CDC123: variants seen among roughly 807,000 people sequenced by gnomAD.
The protein encoded by CDC123 is cell division cycle 123.
CDC123 carries 37 observed loss-of-function variants against 54.4 expected under a neutral mutation model. The ratio of observed to expected loss-of-function variants is 0.68; its 90% CI spans 0.52 to 0.89. CDC123 has a LOEUF of 0.89. Ranked by LOEUF, CDC123 falls within the 40% of genes least tolerant of loss-of-function variation. CDC123 has a pLI of 0.00. For missense variants in CDC123, 361 were observed against 412.1 expected (o/e 0.88, Z 1.07); for synonymous variants, 144 against 136.8 (o/e 1.05, Z -0.37).
At chr10:12,238,513 T>G in intron 10 of CDC123, 28 bp downstream of exon 10, 1 of 1,605,236 alleles carries the variant, frequency 6.2e-7, no homozygotes, top group Non-Finnish European at 8.5e-7. Context: ...CTGATATGCT[T>G]TAATATAAGA....
At chr10:12,208,818 A>C (rs1044401123) in intron 2 of CDC123, among the ~76,000 whole-genome samples, 2 of 152,158 alleles carry the variant, frequency 1.3e-5, no homozygotes, top group Admixed American at 6.5e-5. Context: ...TTCCCTAATG[A>C]GGACTGCACA....
Position 12,250,419 on chromosome 10 carries a change from CTGAT to C in CDC123, c.*83_*86del. 2 of 1,067,126 alleles carry C rather than the reference CTGAT, an allele frequency of 1.9e-6. No homozygotes were observed. The highest frequency in any genetic ancestry group is 2.9e-6 in the Non-Finnish European group (2 of 681,522). 66.1% of individuals were successfully genotyped at this position (1,067,126 alleles called of 1,614,324 possible). ...CATCAGCCGCAACTTCCTGCCGACC[CTGAT>C]GCGGGTGGGCCGAGCAGTGTGGACA... On this transcript the variant is annotated 3_prime_UTR_variant, in exon 13 of 13. Coordinates refer to ENST00000281141, the MANE Select transcript of CDC123 (RefSeq NM_006023.3).
chr10:12,202,276 G>C (rs1026845376), intron 2 of CDC123, among the ~76,000 whole-genome samples: 5 of 152,150 alleles, frequency 3.3e-5, no homozygotes, highest in Non-Finnish European at 5.9e-5. Flanking sequence ...CCCTTTCTTA[G>C]TTCAGTTTCG....
At chr10:12,200,933 C>CA (rs35686650) in intron 2 of CDC123, among the ~76,000 whole-genome samples, 67,504 of 147,854 alleles carry the variant, frequency 0.46, 16,489 homozygotes, top group Middle Eastern at 0.6. Context: ...AACTTCGTCT[C>CA]AAAAAAAAAA....
intron 10 of CDC123, among the ~76,000 whole-genome samples, chr10:12,238,712 C>T (rs1472357700): frequency 6.6e-6 from 1 of 151,602 alleles, no homozygotes; most frequent in East Asian, 1.9e-4. Flanking sequence ...CTCATCTCTA[C>T]TAAAAATTAA....
At chr10:12,234,916 G>T (rs1835959040) in intron 7 of CDC123, 132 bp from the exon 8 acceptor site, 11 of 632,528 alleles carry the variant, frequency 1.7e-5, no homozygotes, top group Non-Finnish European at 2.5e-5. Context: ...GCCCGGCCAA[G>T]AATGTCATAT....
intron 10 of CDC123, among the ~76,000 whole-genome samples, chr10:12,240,970 AGT>A (rs1189720942): frequency 6.6e-6 from 1 of 152,186 alleles, no homozygotes; most frequent in Non-Finnish European, 1.5e-5. Context: ...CTGGCTCAAA[AGT>A]GAAATGTATT....
chr10:12,235,145 T>G, intron 8 of CDC123, 22 bp downstream of exon 8: 1 of 1,579,550 alleles, frequency 6.3e-7, no homozygotes, highest in South Asian at 1.1e-5. Context: ...TTTGTTTGTT[T>G]GTTTTATCCT....
At chr10:12,236,059 A>G (rs1333437611) in intron 8 of CDC123, among the ~76,000 whole-genome samples, 3 of 152,232 alleles carry the variant, frequency 2.0e-5, no homozygotes, top group Non-Finnish European at 4.4e-5. Flanking sequence ...GCCAAGTAGC[A>G]TGTATGAACA....
intron 6 of CDC123, among the ~76,000 whole-genome samples, chr10:12,223,601 A>C (rs1272288970): frequency 6.6e-6 from 1 of 151,716 alleles, no homozygotes; most frequent in Non-Finnish European, 1.5e-5. Context: ...ATAATTATGA[A>C]GTCCACAAAA....
intron 10 of CDC123, 96 bp downstream of exon 10, chr10:12,238,581 C>A: frequency 6.9e-7 from 1 of 1,453,066 alleles, no homozygotes; most frequent in Non-Finnish European, 9.3e-7. Flanking sequence ...GATCCATGCT[C>A]AAAAAATATT....
At chr10:12,230,145 TAGTA>T (rs1835879590) in intron 6 of CDC123, among the ~76,000 whole-genome samples, 1 of 152,158 alleles carries the variant, frequency 6.6e-6, no homozygotes, top group African/African-American at 2.4e-5. Context: ...TGTGGGTACA[TAGTA>T]AGTGTATATA....
At position 12,214,198 on chromosome 10, in the gene CDC123, A is replaced by C. The variant is rs372250211; in HGVS notation, c.238-1542A>C. On this transcript the variant is annotated intron_variant, in intron 4 of 12. Coordinates refer to ENST00000281141, the MANE Select transcript of CDC123 (RefSeq NM_006023.3). ...CCTTAGATGTCAAGCTTTATGGGAT[A>C]GGAAAATTAAATTGCTTTGTCTTTG... Among the ~76,000 whole-genome samples the C allele has an allele frequency of 2.0e-5, 3 of 152,366 alleles. No homozygotes were observed. The South Asian group carries it at 6.2e-4, about 32-fold the overall frequency.
At chr10:12,205,494 C>T (rs1016173981) in intron 2 of CDC123, among the ~76,000 whole-genome samples, 5 of 152,182 alleles carry the variant, frequency 3.3e-5, no homozygotes, top group African/African-American at 1.2e-4. Context: ...GATCCTCAAC[C>T]AGTAGATGCC....
At chr10:12,202,051 T>TGA (rs914962751) in intron 2 of CDC123, among the ~76,000 whole-genome samples, 28 of 152,334 alleles carry the variant, frequency 1.8e-4, no homozygotes, top group African/African-American at 6.5e-4. Flanking sequence ...CACAATCTGT[T>TGA]GAGAATTTTG....
chr10:12,218,877 A>G (rs1835695942), intron 6 of CDC123, among the ~76,000 whole-genome samples: 1 of 152,172 alleles, frequency 6.6e-6, no homozygotes, highest in Non-Finnish European at 1.5e-5. Context: ...TGCTCTCTTT[A>G]TGCTTCTTTT....
intron 12 of CDC123, 28 bp downstream of exon 12, chr10:12,249,746 G>T: frequency 6.4e-7 from 1 of 1,570,472 alleles, no homozygotes; most frequent in South Asian, 1.2e-5. Flanking sequence ...TTAGTATGCT[G>T]GCCATCTTTT....
chr10:12,233,737 T>A (rs1405367693), intron 7 of CDC123, among the ~76,000 whole-genome samples: 2 of 152,118 alleles, frequency 1.3e-5, no homozygotes, highest in East Asian at 3.8e-4. Flanking sequence ...GACTAAGAGC[T>A]TATAATAAAT....
Position 12,224,150 on chromosome 10 carries a change from A to G in CDC123, c.440+6683A>G, listed in dbSNP as rs544619465. On this transcript the variant is annotated intron_variant, in intron 6 of 12. Transcript: ENST00000281141. Reference sequence around the variant, plus strand: ...GTTCCTGCGTTACTTCACTTGGAATAATAGTCTCCAGTTCCATCCAGGTTG... The same window carrying G: ...GTTCCTGCGTTACTTCACTTGGAATGATAGTCTCCAGTTCCATCCAGGTTG... 2.6e-4 allele frequency among the ~76,000 whole-genome samples: 40 copies of G among 152,168 alleles called. No individual in the cohort carries two copies. The South Asian group carries it at 8.1e-3, about 31-fold the overall frequency.
Sources: gnomAD v4.1 joint callset for allele counts (sites outside exome capture counted in the v4.1 genomes callset) on GRCh38, gnomAD v4.1.1 for gene constraint, MANE v1.5 for transcripts, NCBI Gene and HGNC (gene_info 2026-07-23, HGNC 2026-07-21) for gene names.